Variants in IGSF22 observed in about 807,000 individuals in gnomAD.
IGSF22 encodes immunoglobulin superfamily, member 22.
IGSF22 carries 119 observed loss-of-function variants against 127.0 expected under a neutral mutation model. The ratio of observed to expected loss-of-function variants is 0.94; its 90% CI spans 0.81 to 1.09. The LOEUF is 1.09. Among genes scored for constraint, IGSF22 ranks in the 50% least tolerant of loss-of-function variants. The pLI is 0.00. For synonymous variants in IGSF22, 568 were observed against 664.7 expected, an observed-to-expected ratio of 0.85 and a Z score of 2.24; for missense variants, 1,518 against 1,716.6, an observed-to-expected ratio of 0.88 and a Z score of 2.04.
Position 18,704,479 on chromosome 11 carries a change from G to A in IGSF22, c.3970C>T (p.His1324Tyr), listed in dbSNP as rs747457695. ...ITESLQKKSK[H>Y]LM Reference sequence around the variant, plus strand: ...GGCTTGGCTGGAGCTCACATGAGGTGCTTTGATTTCTTCTGCAGACTCTCG... The same window carrying A: ...GGCTTGGCTGGAGCTCACATGAGGTACTTTGATTTCTTCTGCAGACTCTCG... Residue 1324 changes from histidine to tyrosine, a missense_variant, in exon 23 of 23, where the codon CAC (histidine) becomes TAC (tyrosine). Around this residue, in one of 3 missense-constraint regions of IGSF22, gnomAD observed 58 missense variants for 53.0 expected, o/e 1.10. Coordinates refer to ENST00000513874, the MANE Select transcript of IGSF22 (RefSeq NM_173588.4). 15 of 1,549,976 alleles carry A rather than the reference G, an allele frequency of 9.7e-6. No individual in the cohort carries two copies. The highest frequency in any genetic ancestry group is 2.4e-5 in the South Asian group (2 of 84,016).
intron 8 of IGSF22, 81 bp downstream of exon 8, chr11:18,718,534 G>T: frequency 1.2e-6 from 1 of 850,232 alleles, no homozygotes; most frequent in Non-Finnish European, 2.1e-6. Context: ...TGGAAGAGAG[G>T]CTATGGCTTA....
chr11:18,718,220 A>T (rs966893345), intron 8 of IGSF22, 127 bp from the exon 9 acceptor site: 15 of 811,460 alleles, frequency 1.8e-5, no homozygotes, highest in Non-Finnish European at 2.3e-5. Flanking sequence ...AGAGATCCCT[A>T]TGATCTCTAT....
At chr11:18,719,617 A>C in intron 7 of IGSF22, 99 bp downstream of exon 7, 2 of 1,206,352 alleles carry the variant, frequency 1.7e-6, no homozygotes, top group Non-Finnish European at 1.2e-6. Flanking sequence ...TGTGTGCAGA[A>C]CTGGGGAGAC....
chr11:18,724,077 AG>A lies in IGSF22; in HGVS notation c.109+50del, dbSNP rs781432301. Reference sequence around the variant, plus strand: ...GGGGCCACCCAAGGGATGGGTGTGGAGGAAGAATAGCTGCCCTTCCCGATCC... The same window carrying A: ...GGGGCCACCCAAGGGATGGGTGTGGAGAAGAATAGCTGCCCTTCCCGATCC... On this transcript the variant is annotated intron_variant, in intron 2 of 22. Transcript: ENST00000513874. 5 of 1,455,242 alleles carry A rather than the reference AG, an allele frequency of 3.4e-6. No homozygotes were observed. The South Asian group carries it at 3.5e-5, about 10-fold the overall frequency. 90.1% of individuals were successfully genotyped at this position (1,455,242 alleles called of 1,614,324 possible).
At chr11:18,708,062 A>G (rs2134157883) in intron 19 of IGSF22, 66 bp from the exon 20 acceptor site, 7 of 1,588,436 alleles carry the variant, frequency 4.4e-6, no homozygotes, top group African/African-American at 2.7e-5. Flanking sequence ...GCCTTCCTCC[A>G]TTGTCGAGGA....
intron 21 of IGSF22, chr11:18,706,508 AT>A: frequency 2.6e-6 from 1 of 378,428 alleles, no homozygotes; most frequent in South Asian, 4.0e-5. Flanking sequence ...CTCCCCTCTT[AT>A]CCCTTTAGCT....
At position 18,705,964 on chromosome 11, in the gene IGSF22, C is replaced by A. The variant is rs1848219388; in HGVS notation, c.3763G>T (p.Ala1255Ser). ...TLYKGDVNIT[A>S]NSKFWYNSTS... The stretch of plus-strand genomic sequence containing the variant: ...GAGTTGTACCAGAACTTGGAGTTGG[C>A]CGTGATGTTGACGTCGCCCTTGTAG... The change falls in exon 22 of 23, where the codon GCC becomes TCC. Residue 1255 changes from alanine (A) to serine (S), a missense_variant. Ala to Ser is a moderately conservative substitution (Grantham distance 99). Transcript: ENST00000513874. 1.3e-6 allele frequency: 2 copies of A among 1,551,580 alleles called. No homozygotes were observed. Among genetic ancestry groups the A allele is most frequent in the Non-Finnish European group, 1.7e-6 (2 of 1,146,986 alleles).
chr11:18,705,637 A>G, intron 22 of IGSF22, 180 bp downstream of exon 22: 1 of 618,030 alleles, frequency 1.6e-6, no homozygotes, highest in Non-Finnish European at 2.8e-6. Flanking sequence ...CCAGGCATAT[A>G]ACAAATGACA....
intron 4 of IGSF22, 80 bp downstream of exon 4, chr11:18,721,455 G>C: frequency 6.3e-6 from 10 of 1,585,980 alleles, no homozygotes; most frequent in Non-Finnish European, 8.6e-6. Flanking sequence ...GGCTCTCATC[G>C]GTGAGAAGAC....
chr11:18,710,105 T>C (rs553942955), intron 17 of IGSF22, among the ~76,000 whole-genome samples: 161 of 152,248 alleles, frequency 1.1e-3, no homozygotes, highest in African/African-American at 3.8e-3. Context: ...ACACGAAATT[T>C]AAAAAACGTT....
At chr11:18,717,104 T>A in intron 9 of IGSF22, 104 bp from the exon 10 acceptor site, 4 of 1,284,600 alleles carry the variant, frequency 3.1e-6, no homozygotes, top group Non-Finnish European at 3.2e-6. Context: ...AGCCCATGGC[T>A]GGGGGAAAGC....
Position 18,721,643 on chromosome 11 carries a change from C to T in IGSF22, c.270G>A (p.Val90=), listed in dbSNP as rs746492673. The T allele has an allele frequency of 5.4e-5, 87 of 1,614,278 alleles. No homozygotes were observed. The highest frequency in any genetic ancestry group is 7.0e-5 in the Non-Finnish European group (83 of 1,180,046). The stretch of plus-strand genomic sequence containing the variant: ...AGATGTGGGGTTTGGCGTTCCCCTG[C>T]ACCCGGGCTCGGAACACGGCTTTGT... ...EGDKAVFRAR[V]QGNAKPHISW... The change falls in exon 4 of 23, where the codon GTG becomes GTA. Residue 90 remains valine, a synonymous_variant. Coordinates refer to ENST00000513874, the MANE Select transcript of IGSF22 (RefSeq NM_173588.4).
At chr11:18,722,594 G>A (rs556332471) in intron 2 of IGSF22, among the ~76,000 whole-genome samples, 2 of 146,840 alleles carry the variant, frequency 1.4e-5, no homozygotes, top group African/African-American at 5.1e-5. Context: ...CATCTTCAAT[G>A]TGGAAATATA....
Position 18,705,853 on chromosome 11 carries a change from C to G in IGSF22, c.3874G>C (p.Gly1292Arg). The change falls in exon 22 of 23, where the codon GGC becomes CGC. Residue 1292 changes from glycine to arginine, a missense_variant. Coordinates refer to ENST00000513874, the MANE Select transcript of IGSF22 (RefSeq NM_173588.4). ...DYSVLVENEL[G>R]KDRSSCTLTV... ...AGCGTGCAGCTGCTGCGGTCCTTGCCCAGCTCGTTCTCCACCAGCACGCTG... is the reference window on the plus strand; with the variant it reads ...AGCGTGCAGCTGCTGCGGTCCTTGCGCAGCTCGTTCTCCACCAGCACGCTG... 2 of 1,550,716 alleles carry G rather than the reference C, an allele frequency of 1.3e-6. No individual in the cohort carries two copies. The highest frequency in any genetic ancestry group is 1.7e-6 in the Non-Finnish European group (2 of 1,146,900).
rs1848319473 is a variant in IGSF22 at position 18,709,924 on chromosome 11, T to C, written c.2702-241A>G. ...CCCCTTAAATTCAACATACCCCACA[T>C]ATTCAAAGCTTCTGTATTCAAAACC... On this transcript the variant is annotated intron_variant, in intron 17 of 22. Transcript: ENST00000513874. The surrounding 1 kb of genome is among the most constrained non-coding windows in gnomAD (Gnocchi z 4.8). Among the ~76,000 whole-genome samples the C allele has an allele frequency of 6.6e-6, 1 of 152,108 alleles. No individual in the cohort carries two copies. The highest frequency in any genetic ancestry group is 1.5e-5 in the Non-Finnish European group (1 of 68,022).
At chr11:18,721,504 C>A in intron 4 of IGSF22, 31 bp downstream of exon 4, 3 of 1,613,978 alleles carry the variant, frequency 1.9e-6, no homozygotes, top group Non-Finnish European at 2.5e-6. Context: ...CTGGCCTTCT[C>A]GGTAACTGGA....
intron 14 of IGSF22, 40 bp downstream of exon 14, chr11:18,713,812 G>T: frequency 1.3e-6 from 2 of 1,492,476 alleles, no homozygotes; most frequent in South Asian, 1.2e-5. Flanking sequence ...GGCAGCAGGT[G>T]CCCTCAGCTC....
At chr11:18,720,526 C>T (rs935806993) in intron 4 of IGSF22, among the ~76,000 whole-genome samples, 1 of 152,188 alleles carries the variant, frequency 6.6e-6, no homozygotes. Flanking sequence ...ATCGGACTCT[C>T]CCCCTTGGCT....
chr11:18,724,170 T>A lies in IGSF22; in HGVS notation c.67A>T (p.Thr23Ser). 1 of 1,613,860 alleles carries A rather than the reference T, an allele frequency of 6.2e-7. No homozygotes were observed. The highest frequency in any genetic ancestry group is 8.5e-7 in the Non-Finnish European group (1 of 1,179,852). Residue 23 changes from threonine (T) to serine (S), a missense_variant, in exon 2 of 23, where the codon ACC (threonine) becomes TCC (serine). By Grantham distance (58) the Thr-to-Ser change is moderately conservative. Around this residue, in one of 3 missense-constraint regions of IGSF22, gnomAD observed 1,456 missense variants for 1,644.9 expected, o/e 0.89. Coordinates refer to ENST00000513874, the MANE Select transcript of IGSF22 (RefSeq NM_173588.4). ...GTCTGGGAGAAGGTCTGCACGTGGG[T>A]GGTGGAGCTGGAGAACTCCATGGAC... ...HVSMEFSSSTTHVQTFSQTTK... is the reference protein window; with the variant it reads ...HVSMEFSSSTSHVQTFSQTTK...
Sources: allele counts gnomAD v4.1 joint callset (sites outside exome capture counted in the v4.1 genomes callset), GRCh38; gene constraint gnomAD v4.1.1; regional missense constraint gnomAD v4.1.1; non-coding constraint Gnocchi (gnomAD v3.1); transcripts MANE v1.5; gene names NCBI Gene and HGNC (gene_info 2026-07-23, HGNC 2026-07-21).